The following SDK1 variants were observed in gnomAD, a reference collection of about 807,000 sequenced individuals.
SDK1 encodes sidekick cell adhesion molecule 1.
SDK1 carries 157 observed loss-of-function variants against 245.5 expected under a neutral mutation model. That is an observed-to-expected ratio of 0.64 (90% CI 0.56 to 0.73). The LOEUF is 0.73. Among genes scored for constraint, SDK1 ranks in the 30% least tolerant of loss-of-function variants. The pLI is 0.00. For missense variants in SDK1, 3,583 were observed against 3,002.3 expected (o/e 1.19, Z -4.52); for synonymous variants, 1,647 against 1,278.5 (o/e 1.29, Z -6.15).
intron 5 of SDK1, among the ~76,000 whole-genome samples, chr7:3,902,307 T>C (rs1562523909): frequency 6.6e-6 from 1 of 152,202 alleles, no homozygotes. Flanking sequence ...TGTGTCTCCC[T>C]TCTCCCACAA....
At chr7:3,726,068 C>G (rs1420230187) in intron 4 of SDK1, among the ~76,000 whole-genome samples, 2 of 152,208 alleles carry the variant, frequency 1.3e-5, no homozygotes, top group Non-Finnish European at 2.9e-5. Flanking sequence ...TTACATCTGC[C>G]TAATGTTCTT....
At chr7:3,857,245 C>G (rs953828326) in intron 5 of SDK1, among the ~76,000 whole-genome samples, 1 of 151,844 alleles carries the variant, frequency 6.6e-6, no homozygotes, top group Non-Finnish European at 1.5e-5. Flanking sequence ...TAACATTGTA[C>G]TCAGGACACA....
intron 1 of SDK1, among the ~76,000 whole-genome samples, chr7:3,594,866 A>G (rs1007162579): frequency 1.3e-5 from 2 of 152,230 alleles, no homozygotes; most frequent in Non-Finnish European, 2.9e-5. Context: ...TTAAAGAATC[A>G]TACCTGCATC....
chr7:3,371,061 C>T (rs548926371), intron 1 of SDK1, among the ~76,000 whole-genome samples: 113 of 152,250 alleles, frequency 7.4e-4, no homozygotes, highest in Admixed American at 1.2e-3. Context: ...CCCCGTGTTT[C>T]GTGTACAACA....
chr7:3,449,407 G>T (rs571247465), intron 1 of SDK1, among the ~76,000 whole-genome samples: 3 of 151,206 alleles, frequency 2.0e-5, no homozygotes, highest in African/African-American at 7.3e-5. Flanking sequence ...ATTGGATTTA[G>T]CTGCCATTAT....
chr7:4,057,702 G>A (rs1779285488), intron 19 of SDK1, among the ~76,000 whole-genome samples: 2 of 152,092 alleles, frequency 1.3e-5, no homozygotes, highest in Admixed American at 1.3e-4. Flanking sequence ...CCAAGGATTG[G>A]CCCACCTGGT....
At chr7:3,519,216 T>A (rs1274845499) in intron 1 of SDK1, among the ~76,000 whole-genome samples, 1 of 152,112 alleles carries the variant, frequency 6.6e-6, no homozygotes, top group Admixed American at 6.6e-5. Flanking sequence ...TCAGTTCAAG[T>A]CTTCCATAGC....
rs776030850 is a variant in SDK1 at position 4,233,429 on chromosome 7, C to A, written c.5992+10C>A. Reference sequence around the variant, plus strand: ...TCCACGGCTGTGTCAGGTAGGCCCTCCCAGGGAGGTCTGTCTTCTTCTGGA... The same window carrying A: ...TCCACGGCTGTGTCAGGTAGGCCCTACCAGGGAGGTCTGTCTTCTTCTGGA... On this transcript the variant is annotated intron_variant, in intron 41 of 44. Coordinates refer to ENST00000404826, the MANE Select transcript of SDK1 (RefSeq NM_152744.4). The A allele has an allele frequency of 1.2e-5, 20 of 1,609,032 alleles. No individual in the cohort carries two copies. Among genetic ancestry groups the A allele is most frequent in the Non-Finnish European group, 1.6e-5 (19 of 1,178,996 alleles).
chr7:3,725,388 G>A (rs376729955), intron 4 of SDK1, among the ~76,000 whole-genome samples: 22 of 152,296 alleles, frequency 1.4e-4, no homozygotes, highest in African/African-American at 5.3e-4. Context: ...CAGAGGACCT[G>A]TTAAGTAATC....
At chr7:3,448,728 G>A (rs567043293) in intron 1 of SDK1, among the ~76,000 whole-genome samples, 4 of 152,026 alleles carry the variant, frequency 2.6e-5, no homozygotes, top group East Asian at 3.9e-4. Flanking sequence ...CTTTCTTTCT[G>A]AATTTAAATG....
At chr7:3,421,676 G>C (rs1273344685) in intron 1 of SDK1, among the ~76,000 whole-genome samples, 2 of 152,190 alleles carry the variant, frequency 1.3e-5, no homozygotes, top group Non-Finnish European at 2.9e-5. Context: ...TCTAGGCAGT[G>C]AGGTAGCTTT....
intron 1 of SDK1, among the ~76,000 whole-genome samples, chr7:3,415,711 TTATATATAAATG>T (rs1313844878): frequency 6.7e-6 from 1 of 149,516 alleles, no homozygotes; most frequent in Non-Finnish European, 1.5e-5. Flanking sequence ...TATATATAAA[TTATATATAAATG>T]TATATATATA....
chr7:3,967,386 A>C lies in SDK1; in HGVS notation c.1498A>C (p.Arg500=). 6.2e-7 allele frequency: 1 copy of C among 1,614,138 alleles called. No individual in the cohort carries two copies. ...TACTGACGGGATGACAGCCATTCTAAGGTGTGAGGTGTCCGGGGCTCCCAA... is the reference window on the plus strand; with the variant it reads ...TACTGACGGGATGACAGCCATTCTACGGTGTGAGGTGTCCGGGGCTCCCAA... ...TVTDGMTAIL[R]CEVSGAPKPA... is the part of the protein sequence containing the mutation. Residue 500 remains arginine (R), a synonymous_variant, in exon 10 of 45, where the codon AGG becomes CGG. Coordinates refer to ENST00000404826, the MANE Select transcript of SDK1 (RefSeq NM_152744.4).
At chr7:4,155,849 T>G (rs1464134434) in intron 30 of SDK1, among the ~76,000 whole-genome samples, 1 of 152,124 alleles carries the variant, frequency 6.6e-6, no homozygotes, top group African/African-American at 2.4e-5. Context: ...CCTGTCCTTG[T>G]GGATGTTGAG....
intron 1 of SDK1, among the ~76,000 whole-genome samples, chr7:3,325,170 A>T (rs1357002910): frequency 6.6e-6 from 1 of 151,912 alleles, no homozygotes; most frequent in East Asian, 1.9e-4. Context: ...ACAGATTCTG[A>T]TGTGGAGATT....
At chr7:3,857,967 T>A (rs1388334756) in intron 5 of SDK1, among the ~76,000 whole-genome samples, 1 of 152,212 alleles carries the variant, frequency 6.6e-6, no homozygotes, top group Non-Finnish European at 1.5e-5. Context: ...TGATATACCA[T>A]ATACATGGAT....
At chr7:3,872,878 C>T (rs983730723) in intron 5 of SDK1, among the ~76,000 whole-genome samples, 1 of 152,096 alleles carries the variant, frequency 6.6e-6, no homozygotes, top group African/African-American at 2.4e-5. Flanking sequence ...TAATTCCCCT[C>T]TCCCATTCCT....
chr7:3,533,805 A>G (rs1778781158), intron 1 of SDK1, among the ~76,000 whole-genome samples: 1 of 151,126 alleles, frequency 6.6e-6, no homozygotes, highest in Non-Finnish European at 1.5e-5. Flanking sequence ...TTGTTTCACG[A>G]TAATTTTTTC....
intron 1 of SDK1, among the ~76,000 whole-genome samples, chr7:3,520,841 G>A (rs1433222184): frequency 1.3e-5 from 2 of 152,114 alleles, no homozygotes; most frequent in Admixed American, 6.5e-5. Context: ...CCATATTTGT[G>A]AGTGGATTAG....
Sources: allele counts gnomAD v4.1 joint callset (sites outside exome capture counted in the v4.1 genomes callset), GRCh38; gene constraint gnomAD v4.1.1; transcripts MANE v1.5; gene names NCBI Gene and HGNC (gene_info 2026-07-23, HGNC 2026-07-21).